The following DOT1L variants were observed in gnomAD, a reference collection of about 807,000 sequenced individuals.
DOT1L encodes the protein histone-lysine N-methyltransferase, H3 lysine-79 specific.
Under a neutral mutation model 153.3 loss-of-function variants are expected in DOT1L, and 33 were observed. The observed-to-expected ratio is 0.22, with a 90% CI of 0.16 to 0.29. The LOEUF (loss-of-function observed/expected upper bound fraction) is 0.29, where lower values mean the gene tolerates loss of function less well. Ranked by LOEUF, DOT1L falls within the 10% of genes least tolerant of loss-of-function variation. DOT1L has a pLI of 1.00. For synonymous variants in DOT1L, 1,135 were observed against 965.1 expected (o/e 1.18, Z -3.26); for missense variants, 1,847 against 2,119.9 (o/e 0.87, Z 2.53).
rs2144931775 is a variant in DOT1L at position 2,226,468 on chromosome 19, G to A, written c.3947G>A (p.Cys1316Tyr). The change falls in exon 27 of 28, where the codon TGC becomes TAC. Residue 1316 changes from cysteine to tyrosine, a missense_variant. Cys to Tyr is a radical substitution (Grantham distance 194). This residue lies in a region of DOT1L where 934 missense variants were observed against 825.3 expected (regional missense o/e 1.13). Coordinates refer to ENST00000398665, the MANE Select transcript of DOT1L (RefSeq NM_032482.3). ...CCGGGCACCAACCCTGCCAACGGCTGCACCTTCGGCGGGGGCCTGGCCGCG... is the reference window on the plus strand; with the variant it reads ...CCGGGCACCAACCCTGCCAACGGCTACACCTTCGGCGGGGGCCTGGCCGCG... ...LSPGTNPANG[C>Y]TFGGGLAADL... 1 of 1,601,692 alleles carries A rather than the reference G, an allele frequency of 6.2e-7. No homozygotes were observed.
intron 18 of DOT1L, 116 bp from the exon 19 acceptor site, chr19:2,214,355 G>C (rs2023825259): frequency 1.3e-6 from 2 of 1,488,614 alleles, no homozygotes; most frequent in Non-Finnish European, 9.0e-7. Flanking sequence ...CGGGGTCTGT[G>C]CCCTAAGCAC....
In DOT1L at chr19:2,199,654, C is replaced by T. The variant is rs549354779; in HGVS notation, c.652-230C>T. ...GCCTCCCCAAGCGGATGCTGGAGCA[C>T]GAGGACCTGTCCCGGCTTCTCAGGA... On this transcript the variant is annotated intron_variant, in intron 7 of 27. Transcript: ENST00000398665. Among the ~76,000 whole-genome samples the T allele has an allele frequency of 6.6e-5, 10 of 152,310 alleles. No individual in the cohort carries two copies. The East Asian group carries it at 1.5e-3, about 23-fold the overall frequency.
intron 25 of DOT1L, among the ~76,000 whole-genome samples, chr19:2,223,764 G>A (rs2024221224): frequency 6.6e-6 from 1 of 152,228 alleles, no homozygotes; most frequent in African/African-American, 2.4e-5. Flanking sequence ...CAGGAGAGAA[G>A]CTTCAGCAGT....
At chr19:2,205,599 G>A (rs926804429) in intron 9 of DOT1L, among the ~76,000 whole-genome samples, 32 of 152,180 alleles carry the variant, frequency 2.1e-4, no homozygotes, top group Admixed American at 2.0e-3. Context: ...AATTCTTTTC[G>A]CATGACTGTT....
intron 9 of DOT1L, among the ~76,000 whole-genome samples, chr19:2,205,355 G>C (rs1415309822): frequency 6.6e-6 from 1 of 152,186 alleles, no homozygotes. Flanking sequence ...TTCGGCTCCT[G>C]ACACCAAGTT....
chr19:2,164,414 C>A, intron 1 of DOT1L, 149 bp downstream of exon 1: 1 of 497,284 alleles, frequency 2.0e-6, no homozygotes, highest in Admixed American at 4.7e-5. Flanking sequence ...ACCCCCGTTG[C>A]TTCCCGGCCG....
intron 6 of DOT1L, 71 bp from the exon 7 acceptor site, chr19:2,194,444 T>C: frequency 6.4e-7 from 1 of 1,574,120 alleles, no homozygotes. Flanking sequence ...GTGCCGGGAT[T>C]ACAGGCGTGA....
rs963671910 is a variant in DOT1L at position 2,164,431 on chromosome 19, C to T, written c.81+166C>T. ...CCCCGTTGCTTCCCGGCCGAGGGCC[C>T]CGCGGCTGTTTCCCGCAGGGTGGGA... On this transcript the variant is annotated intron_variant, in intron 1 of 27. Coordinates refer to ENST00000398665, the MANE Select transcript of DOT1L (RefSeq NM_032482.3). 1.2e-3 allele frequency: 527 copies of T among 439,326 alleles called. 7 individuals carry two copies. The highest frequency in any genetic ancestry group is 2.9e-4 in the Admixed American group (6 of 20,980). The allele number at this position is 439,326 out of a possible 1,614,324, so 27.2% of individuals were successfully genotyped here. A position where few individuals can be genotyped will look rare whatever the true frequency, so the allele number is the denominator to read the frequency against.
At chr19:2,228,304 C>T (rs747175048) in intron 27 of DOT1L, 3 of 1,350,052 alleles carry the variant, frequency 2.2e-6, no homozygotes, top group Admixed American at 2.0e-5. Flanking sequence ...CTCGGCATGC[C>T]GCCTCCCTAT....
rs1285214408 is a variant in DOT1L at position 2,216,271 on chromosome 19, C to T, written c.1924-10C>T. On this transcript the variant is annotated splice_polypyrimidine_tract_variant and intron_variant, in intron 19 of 27. Coordinates refer to ENST00000398665, the MANE Select transcript of DOT1L (RefSeq NM_032482.3). ...GTGGGGCGGGCCTGACACCATCTCT[C>T]CTCCTGCAGATCAGCATTGTGGAGC... 1.3e-6 allele frequency: 2 copies of T among 1,557,632 alleles called. No homozygotes were observed. The highest frequency in any genetic ancestry group is 1.4e-5 in the African/African-American group (1 of 73,970).
At chr19:2,181,230 T>C (rs1158171162) in intron 2 of DOT1L, among the ~76,000 whole-genome samples, 2 of 152,216 alleles carry the variant, frequency 1.3e-5, no homozygotes, top group Non-Finnish European at 2.9e-5. Flanking sequence ...GCCTCTCTGC[T>C]GCCCACTGGG....
chr19:2,176,305 G>A (rs2021931403), intron 1 of DOT1L, among the ~76,000 whole-genome samples: 1 of 152,160 alleles, frequency 6.6e-6, no homozygotes, highest in Non-Finnish European at 1.5e-5. Flanking sequence ...GCAGTAACTC[G>A]GGGTGCACTG....
chr19:2,167,107 G>A (rs1168309197), intron 1 of DOT1L, among the ~76,000 whole-genome samples: 1 of 152,196 alleles, frequency 6.6e-6, no homozygotes, highest in Non-Finnish European at 1.5e-5. Context: ...TGGGTCACAG[G>A]ACTGTGGGCT....
In DOT1L at chr19:2,226,312, G is replaced by C. The variant is rs556182722; in HGVS notation, c.3791G>C (p.Ser1264Thr). The change falls in exon 27 of 28, where the codon AGC becomes ACC. Residue 1264 changes from serine to threonine, a missense_variant. Around this residue, in one of 8 missense-constraint regions of DOT1L, gnomAD observed 934 missense variants for 825.3 expected, o/e 1.13. Coordinates refer to ENST00000398665, the MANE Select transcript of DOT1L (RefSeq NM_032482.3). ...AKSADSPLQA[S>T]SALSQNSLFT... ...TCGGCGGACAGCCCGCTGCAGGCCA[G>C]CTCCGCCCTCAGCCAGAACTCCCTG... The C allele has an allele frequency of 2.5e-6, 4 of 1,598,582 alleles. No individual in the cohort carries two copies. Among genetic ancestry groups the C allele is most frequent in the African/African-American group, 2.7e-5 (2 of 74,638 alleles).
chr19:2,227,348 C>G lies in DOT1L; in HGVS notation c.4606+221C>G, dbSNP rs967518754. The G allele has an allele frequency of 8.1e-6, 6 of 739,470 alleles. No homozygotes were observed. The South Asian group carries it at 8.9e-5, about 11-fold the overall frequency. 45.8% of individuals were successfully genotyped at this position (739,470 alleles called of 1,614,324 possible). On this transcript the variant is annotated intron_variant, in intron 27 of 27. Coordinates refer to ENST00000398665, the MANE Select transcript of DOT1L (RefSeq NM_032482.3). ...TTGGGTTCTCTGGTTGTAACCGCGT[C>G]CCTCTTGTTTTCAGAAGGCCACCGT... is the stretch of plus-strand genomic sequence containing the variant.
chr19:2,231,459 C>T lies in DOT1L; in HGVS notation c.*1667C>T, dbSNP rs756037661. 4 of 205,512 alleles carry T rather than the reference C, an allele frequency of 1.9e-5. No homozygotes were observed. The highest frequency in any genetic ancestry group is 4.0e-5 in the Non-Finnish European group (4 of 100,562). 12.7% of individuals were successfully genotyped at this position (205,512 alleles called of 1,614,324 possible). ...CCTGTGTGGGAGGGCCTGAAGACCC[C>T]TGCTTGTGCCTGGTGAGGGGGGTGC... On this transcript the variant is annotated 3_prime_UTR_variant, in exon 28 of 28. Transcript: ENST00000398665.
intron 1 of DOT1L, among the ~76,000 whole-genome samples, chr19:2,180,054 G>A (rs567092843): frequency 1.3e-5 from 2 of 152,322 alleles, no homozygotes; most frequent in Admixed American, 1.3e-4. Flanking sequence ...TAGAGGGAGC[G>A]AAGGGCAGGG....
intron 2 of DOT1L, among the ~76,000 whole-genome samples, chr19:2,182,209 A>G (rs1239651408): frequency 1.3e-5 from 2 of 152,004 alleles, no homozygotes; most frequent in Non-Finnish European, 2.9e-5. Flanking sequence ...CCTGGGTGAT[A>G]AGAGTGAGAC....
intron 15 of DOT1L, 43 bp from the exon 16 acceptor site, chr19:2,211,708 C>A: frequency 6.6e-7 from 1 of 1,512,960 alleles, no homozygotes; most frequent in South Asian, 1.2e-5. Context: ...CCCTCTCAGT[C>A]TCAGCTGCTC....
Sources: allele counts gnomAD v4.1 joint callset (sites outside exome capture counted in the v4.1 genomes callset), GRCh38; gene constraint gnomAD v4.1.1; regional missense constraint gnomAD v4.1.1; transcripts MANE v1.5; gene names NCBI Gene and HGNC (gene_info 2026-07-23, HGNC 2026-07-21).